Variants in UBE3D observed in about 807,000 individuals in gnomAD.
UBE3D encodes the protein ubiquitin protein ligase E3D.
A neutral mutation model predicts 49.6 loss-of-function variants in UBE3D; 48 were observed. That is an observed-to-expected ratio of 0.97 (90% CI 0.77 to 1.23). The LOEUF (loss-of-function observed/expected upper bound fraction) is 1.23, where lower values mean the gene tolerates loss of function less well. Among genes scored for constraint, UBE3D ranks in the 50% most tolerant of loss-of-function variants. The pLI, the probability that UBE3D is intolerant of heterozygous loss-of-function variation, is 0.00. For missense variants in UBE3D, 452 were observed against 468.4 expected (o/e 0.96, Z 0.32); for synonymous variants, 189 against 174.2 (o/e 1.08, Z -0.67).
chr6:82,896,920 T>C (rs956002181), intron 9 of UBE3D, among the ~76,000 whole-genome samples: 1 of 151,940 alleles, frequency 6.6e-6, no homozygotes, highest in Non-Finnish European at 1.5e-5. Context: ...TTTGTATTTT[T>C]AGTAGAGATG....
chr6:82,976,513 AC>A (rs568207941), intron 8 of UBE3D, among the ~76,000 whole-genome samples: 71 of 152,212 alleles, frequency 4.7e-4, no homozygotes, highest in African/African-American at 1.7e-3. Context: ...CTTCATACTG[AC>A]ATCTCCCAAC....
At chr6:83,011,086 T>C (rs973758894) in intron 8 of UBE3D, among the ~76,000 whole-genome samples, 1 of 152,120 alleles carries the variant, frequency 6.6e-6, no homozygotes, top group African/African-American at 2.4e-5. Flanking sequence ...CAACTATCCT[T>C]CATACAACGG....
At chr6:82,931,867 G>C (rs920577271) in intron 9 of UBE3D, among the ~76,000 whole-genome samples, 49 of 152,232 alleles carry the variant, frequency 3.2e-4, no homozygotes, top group African/African-American at 1.2e-3. Context: ...AAAAGATATA[G>C]TCTGGCTGTG....
At chr6:83,034,512 G>C (rs1255580065) in intron 5 of UBE3D, among the ~76,000 whole-genome samples, 4 of 152,072 alleles carry the variant, frequency 2.6e-5, no homozygotes, top group Non-Finnish European at 5.9e-5. Context: ...CTCATGTCAA[G>C]TTGTAATCCC....
intron 5 of UBE3D, among the ~76,000 whole-genome samples, chr6:83,027,705 AC>A (rs1297988416): frequency 6.6e-6 from 1 of 152,022 alleles, no homozygotes; most frequent in African/African-American, 2.4e-5. Context: ...TTTTTATTCT[AC>A]AGTATTACTC....
At chr6:82,927,168 G>A (rs554381081) in intron 9 of UBE3D, among the ~76,000 whole-genome samples, 6 of 151,026 alleles carry the variant, frequency 4.0e-5, no homozygotes, top group East Asian at 3.9e-4. Flanking sequence ...ATATTTTTGC[G>A]GGTCCATTTC....
intron 8 of UBE3D, among the ~76,000 whole-genome samples, chr6:82,999,931 A>G (rs1257122922): frequency 6.6e-6 from 1 of 152,160 alleles, no homozygotes; most frequent in Non-Finnish European, 1.5e-5. Flanking sequence ...CATCCAATGC[A>G]TGTTTTACAT....
At chr6:83,037,919 G>A (rs889402077) in intron 5 of UBE3D, 2 of 151,666 alleles carry the variant, frequency 1.3e-5, no homozygotes, top group Non-Finnish European at 1.5e-5. Context: ...CCCATCCCCA[G>A]CCCCAAAATA....
chr6:83,065,576 C>T (rs973950621), intron 1 of UBE3D, 66 bp downstream of exon 1: 5 of 1,500,554 alleles, frequency 3.3e-6, no homozygotes, highest in Non-Finnish European at 4.6e-6. Flanking sequence ...GAGAGACTCA[C>T]CAGCCCCCGA....
the UBE3D span, among the ~76,000 whole-genome samples, chr6:82,884,634 A>G: frequency 6.6e-6 from 1 of 152,246 alleles, no homozygotes; most frequent in Non-Finnish European, 1.5e-5. Context: ...TTCTTTAAAT[A>G]GAAATAAAAG....
At chr6:82,926,903 C>T (rs1351386124) in intron 9 of UBE3D, among the ~76,000 whole-genome samples, 1 of 152,026 alleles carries the variant, frequency 6.6e-6, no homozygotes, top group Admixed American at 6.6e-5. Flanking sequence ...TATGCCTTTG[C>T]ACTGTATCTA....
chr6:83,053,323 C>A (rs943123617), intron 3 of UBE3D, among the ~76,000 whole-genome samples: 1 of 152,178 alleles, frequency 6.6e-6, no homozygotes, highest in Non-Finnish European at 1.5e-5. Flanking sequence ...AGGTTTCAGA[C>A]AGGAAGGATC....
At chr6:82,888,583 AG>A (rs1770930231), downstream of UBE3D, among the ~76,000 whole-genome samples, 2 of 152,138 alleles carry the variant, frequency 1.3e-5, no homozygotes, top group East Asian at 1.9e-4. Context: ...AGGCTGCCAA[AG>A]GTCCCAGGAA....
intron 9 of UBE3D, among the ~76,000 whole-genome samples, chr6:82,933,185 A>G (rs1774302115): frequency 6.6e-6 from 1 of 152,198 alleles, no homozygotes; most frequent in Non-Finnish European, 1.5e-5. Flanking sequence ...GATGGTGATA[A>G]GCACCTGAAA....
intron 9 of UBE3D, among the ~76,000 whole-genome samples, chr6:82,906,792 A>G (rs187457586): frequency 6.6e-6 from 1 of 152,312 alleles, no homozygotes; most frequent in Non-Finnish European, 1.5e-5. Flanking sequence ...TATCCTATTT[A>G]GAAACAAGGT....
intron 8 of UBE3D, among the ~76,000 whole-genome samples, chr6:83,004,968 A>G (rs1366864857): frequency 6.6e-6 from 1 of 152,202 alleles, no homozygotes; most frequent in African/African-American, 2.4e-5. Flanking sequence ...ACAGGCAACA[A>G]AAGCAAAAAT....
chr6:82,944,749 T>A (rs1160233414), intron 9 of UBE3D, among the ~76,000 whole-genome samples: 4 of 151,970 alleles, frequency 2.6e-5, no homozygotes, highest in Non-Finnish European at 5.9e-5. Context: ...GAAGGGTGAG[T>A]CCCAGTCTGG....
At chr6:82,928,751 G>T (rs1773930215) in intron 9 of UBE3D, among the ~76,000 whole-genome samples, 1 of 152,112 alleles carries the variant, frequency 6.6e-6, no homozygotes, top group African/African-American at 2.4e-5. Context: ...CTGACAAAAT[G>T]CTGGATAAAG....
rs1327199134 is a variant in UBE3D, at chr6:83,044,608, A to C, written c.417T>G (p.Val139=). Reference sequence around the variant, plus strand: ...GGTCAGGATGACAACACCATTCTCCAACTAGAGCTCCCCAGTTCTCACTCG... The same window carrying C: ...GGTCAGGATGACAACACCATTCTCCCACTAGAGCTCCCCAGTTCTCACTCG... ...PLPSENWGAL[V]GEWCCHPDPF... is the part of the protein sequence containing the mutation. Residue 139 remains valine, a synonymous_variant, in exon 4 of 10, where the codon GTT becomes GTG. Transcript: ENST00000369747. 2 of 1,614,088 alleles carry C rather than the reference A, an allele frequency of 1.2e-6. No individual in the cohort carries two copies. The highest frequency in any genetic ancestry group is 2.2e-5 in the South Asian group (2 of 91,078).
Sources: allele counts gnomAD v4.1 joint callset (sites outside exome capture counted in the v4.1 genomes callset), GRCh38; gene constraint gnomAD v4.1.1; transcripts MANE v1.5; gene names NCBI Gene and HGNC (gene_info 2026-07-23, HGNC 2026-07-21).